TNR: variants seen among roughly 807,000 people sequenced by gnomAD.
The protein encoded by TNR is tenascin-R.
In TNR, 45 loss-of-function variants were observed where a neutral mutation model predicts 150.4. The ratio of observed to expected loss-of-function variants is 0.30; its 90% CI spans 0.24 to 0.38. The LOEUF (loss-of-function observed/expected upper bound fraction) is 0.38. Among genes scored for constraint, TNR ranks in the 10% least tolerant of loss-of-function variants. The pLI, the probability that TNR is intolerant of heterozygous loss-of-function variation, is 1.00. For missense variants in TNR, 1,544 were observed against 1,759.1 expected, an observed-to-expected ratio of 0.88 and a Z score of 2.19; for synonymous variants, 687 against 678.4, an observed-to-expected ratio of 1.01 and a Z score of -0.20.
rs1382654707 is a variant in TNR at position 175,365,072 on chromosome 1, A to G, written c.2525T>C (p.Val842Ala). 6.2e-7 allele frequency: 1 copy of G among 1,614,098 alleles called. No homozygotes were observed. The highest frequency in any genetic ancestry group is 8.5e-7 in the Non-Finnish European group (1 of 1,179,998). The change falls in exon 12 of 23, where the codon GTG (valine) becomes GCG (alanine). Residue 842 changes from valine (V) to alanine (A), a missense_variant. Physicochemically the swap from Val to Ala is moderately conservative, Grantham distance 64. Coordinates refer to ENST00000367674, the MANE Select transcript of TNR (RefSeq NM_003285.3). The stretch of plus-strand genomic sequence containing the variant: ...TGTGCCATGGACAGCCACAAGGTTC[A>G]CAATATACTCTGTGGCTGGTTGCAG... Reference protein sequence around the residue: ...MGLQPATEYIVNLVAVHGTVT... With the variant: ...MGLQPATEYIANLVAVHGTVT...
At chr1:175,614,645 C>T (rs1663710162) in intron 1 of TNR, among the ~76,000 whole-genome samples, 2 of 152,236 alleles carry the variant, frequency 1.3e-5, no homozygotes. Context: ...TGGATATGCA[C>T]TTCAGGCAAG....
intron 1 of TNR, among the ~76,000 whole-genome samples, chr1:175,728,525 C>A (rs1667542333): frequency 6.6e-6 from 1 of 152,202 alleles, no homozygotes. Context: ...GCCTCATCAC[C>A]CAAATTCTCG....
At chr1:175,569,100 C>T (rs1661761654) in intron 1 of TNR, among the ~76,000 whole-genome samples, 1 of 152,088 alleles carries the variant, frequency 6.6e-6, no homozygotes, top group African/African-American at 2.4e-5. Context: ...GCAAAGAAAG[C>T]CGATAAGTTA....
intron 1 of TNR, among the ~76,000 whole-genome samples, chr1:175,655,482 C>T (rs1665144161): frequency 6.6e-6 from 1 of 152,204 alleles, no homozygotes; most frequent in Non-Finnish European, 1.5e-5. Context: ...CAAGAGCTGG[C>T]ATTCAGACCC....
intron 2 of TNR, among the ~76,000 whole-genome samples, chr1:175,421,746 G>C (rs761618924): frequency 5.9e-5 from 9 of 152,202 alleles, no homozygotes; most frequent in Non-Finnish European, 1.0e-4. Flanking sequence ...CTGGTGGCTA[G>C]GTTTGCCCAA....
intron 2 of TNR, among the ~76,000 whole-genome samples, chr1:175,459,082 T>C (rs908273993): frequency 1.5e-4 from 22 of 149,956 alleles, no homozygotes; most frequent in African/African-American, 3.9e-4. Flanking sequence ...TCACCTCTAC[T>C]ATCATTACTA....
chr1:175,548,673 A>T lies in TNR; in HGVS notation c.-164-20304T>A, dbSNP rs532971416. On this transcript the variant is annotated intron_variant, in intron 1 of 22. Transcript: ENST00000367674. ...TTTACTGTAAGCAAAATTAAAAAAA[A>T]AAAAGGCGGGATGGGCAGGGAGCCT... Among the ~76,000 whole-genome samples, 29 of 151,572 alleles carry T rather than the reference A, an allele frequency of 1.9e-4. No individual in the cohort carries two copies. The East Asian group carries it at 5.2e-3, about 27-fold the overall frequency.
At chr1:175,431,715 A>G (rs1414612656) in intron 2 of TNR, among the ~76,000 whole-genome samples, 4 of 151,864 alleles carry the variant, frequency 2.6e-5, no homozygotes, top group Non-Finnish European at 5.9e-5. Flanking sequence ...GTCACAGAGA[A>G]AGAGTAGTGG....
chr1:175,718,957 C>A (rs1346487701), intron 1 of TNR, among the ~76,000 whole-genome samples: 1 of 152,166 alleles, frequency 6.6e-6, no homozygotes, highest in African/African-American at 2.4e-5. Flanking sequence ...TTCACTTTCC[C>A]CTCCCCGCAA....
chr1:175,693,861 C>G (rs542855980), intron 1 of TNR, among the ~76,000 whole-genome samples: 6 of 152,210 alleles, frequency 3.9e-5, no homozygotes, highest in Non-Finnish European at 8.8e-5. Context: ...AATCATGGAC[C>G]ATGCTGAAGT....
intron 1 of TNR, among the ~76,000 whole-genome samples, chr1:175,732,175 T>C (rs1667660243): frequency 6.6e-6 from 1 of 152,236 alleles, no homozygotes; most frequent in Non-Finnish European, 1.5e-5. Context: ...TAAATTGGGC[T>C]TGGCTGTATC....
chr1:175,617,067 T>C (rs766465216), intron 1 of TNR, among the ~76,000 whole-genome samples: 5 of 152,180 alleles, frequency 3.3e-5, no homozygotes, highest in Non-Finnish European at 7.3e-5. Context: ...CTTCCTTCCA[T>C]CAGCCCTTCT....
At chr1:175,336,116 T>C (rs7516478) in intron 19 of TNR, among the ~76,000 whole-genome samples, 73,566 of 152,042 alleles carry the variant, frequency 0.48, 19,908 homozygotes, top group East Asian at 0.77. Context: ...AAGCCCTAAA[T>C]ATCAGGGGAA....
intron 21 of TNR, among the ~76,000 whole-genome samples, chr1:175,325,838 G>A (rs188706166): frequency 0.017 from 2,514 of 151,440 alleles, 35 homozygotes; most frequent in Non-Finnish European, 0.027. Context: ...TGGACACAGG[G>A]TGGGGAACAT....
chr1:175,443,239 A>G (rs1655874267), intron 2 of TNR, among the ~76,000 whole-genome samples: 1 of 152,194 alleles, frequency 6.6e-6, no homozygotes, highest in Non-Finnish European at 1.5e-5. Flanking sequence ...CAGCGTTTAC[A>G]ACTAGATATT....
At chr1:175,548,033 C>T (rs1465735671) in intron 1 of TNR, among the ~76,000 whole-genome samples, 1 of 152,142 alleles carries the variant, frequency 6.6e-6, no homozygotes, top group Non-Finnish European at 1.5e-5. Context: ...AGACCAAAGG[C>T]AAAGAGACCT....
intron 2 of TNR, among the ~76,000 whole-genome samples, chr1:175,417,197 A>T (rs948970268): frequency 1.3e-5 from 2 of 152,192 alleles, no homozygotes; most frequent in African/African-American, 2.4e-5. Flanking sequence ...AATTAACATT[A>T]CTAATTTAAA....
intron 1 of TNR, among the ~76,000 whole-genome samples, chr1:175,725,321 C>A (rs927708977): frequency 6.6e-6 from 1 of 152,148 alleles, no homozygotes; most frequent in Non-Finnish European, 1.5e-5. Flanking sequence ...ATAAGTGAAC[C>A]TTCCCATAGC....
chr1:175,367,098 G>T, intron 10 of TNR, 110 bp downstream of exon 10: 1 of 897,476 alleles, frequency 1.1e-6, no homozygotes. Flanking sequence ...CCAGAGCCCT[G>T]TTCACTGGAA....
Sources: gnomAD v4.1 joint callset for allele counts (sites outside exome capture counted in the v4.1 genomes callset) on GRCh38, gnomAD v4.1.1 for gene constraint, MANE v1.5 for transcripts, NCBI Gene and HGNC (gene_info 2026-07-23, HGNC 2026-07-21) for gene names.